Variants in BICD1 observed in about 807,000 individuals in gnomAD.
BICD1 encodes protein bicaudal D homolog 1.
In BICD1, 35 loss-of-function variants were observed where a neutral mutation model predicts 92.5. The observed-to-expected ratio is 0.38, with a 90% confidence interval of 0.29 to 0.50. BICD1 has a LOEUF of 0.50. Ranked by LOEUF, BICD1 falls within the 20% of genes least tolerant of loss-of-function variation. The pLI is 0.93. For synonymous variants in BICD1, 429 were observed against 465.1 expected (o/e 0.92, Z 1.00); for missense variants, 950 against 1,189.8 (o/e 0.80, Z 2.97).
chr12:32,133,890 T>A (rs1343745908), intron 1 of BICD1, among the ~76,000 whole-genome samples: 2 of 151,928 alleles, frequency 1.3e-5, no homozygotes, highest in Non-Finnish European at 2.9e-5. Context: ...CACGCCATTC[T>A]TCTGCCTCAG....
intron 2 of BICD1, among the ~76,000 whole-genome samples, chr12:32,249,302 G>A (rs755632668): frequency 6.6e-6 from 1 of 152,182 alleles, no homozygotes; most frequent in Non-Finnish European, 1.5e-5. Context: ...AGAAGCCCAA[G>A]GTGTACAGGG....
chr12:32,198,189 G>A (rs1435822970), intron 1 of BICD1, among the ~76,000 whole-genome samples: 3 of 151,348 alleles, frequency 2.0e-5, no homozygotes, highest in African/African-American at 7.3e-5. Flanking sequence ...TGGGCATCAA[G>A]AGCAAAACTT....
At chr12:32,267,299 AT>A (rs1047726535) in intron 2 of BICD1, among the ~76,000 whole-genome samples, 3 of 152,204 alleles carry the variant, frequency 2.0e-5, no homozygotes, top group Admixed American at 6.5e-5. Context: ...AAACTACATA[AT>A]TTACTTATTG....
chr12:32,305,477 A>G (rs1381493817), intron 3 of BICD1, among the ~76,000 whole-genome samples: 3 of 151,366 alleles, frequency 2.0e-5, no homozygotes, highest in African/African-American at 7.3e-5. Flanking sequence ...CATTTATGTT[A>G]TATCACTATA....
intron 4 of BICD1, among the ~76,000 whole-genome samples, chr12:32,320,676 A>C (rs1281327264): frequency 7.0e-6 from 1 of 143,172 alleles, no homozygotes; most frequent in East Asian, 2.7e-4. Context: ...AAAGGTAAAC[A>C]CTCAGTGAAA....
At position 32,379,879 on chromosome 12, in the gene BICD1, T is replaced by C. The variant is rs1199335600; in HGVS notation, c.*2252T>C. ...GTCTGTGTGTGATGACGGGGCAGTATTGCCAGTCGGCAATGTTGTATTTGC... is the reference window on the plus strand; with the variant it reads ...GTCTGTGTGTGATGACGGGGCAGTACTGCCAGTCGGCAATGTTGTATTTGC... On this transcript the variant is annotated 3_prime_UTR_variant, in exon 10 of 10. Coordinates refer to ENST00000652176, the MANE Select transcript of BICD1 (RefSeq NM_001714.4). 1 of 152,330 alleles carries C rather than the reference T, an allele frequency of 6.6e-6. No individual in the cohort carries two copies. Among genetic ancestry groups the C allele is most frequent in the East Asian group, 1.9e-4 (1 of 5,186 alleles). The allele number at this position is 152,330 out of a possible 1,614,324, so 9.4% of individuals were successfully genotyped here. A position where few individuals can be genotyped will look rare whatever the true frequency, so the allele number is the denominator to read the frequency against.
At chr12:32,284,529 G>A (rs528833285) in intron 2 of BICD1, among the ~76,000 whole-genome samples, 2 of 152,122 alleles carry the variant, frequency 1.3e-5, no homozygotes, top group Non-Finnish European at 2.9e-5. Flanking sequence ...TGTCCCCTCC[G>A]TATTCTTCAT....
chr12:32,155,305 A>G (rs1943406686), intron 1 of BICD1, among the ~76,000 whole-genome samples: 1 of 152,208 alleles, frequency 6.6e-6, no homozygotes, highest in African/African-American at 2.4e-5. Flanking sequence ...TGGAGTAACC[A>G]TCTGTGAATG....
chr12:32,201,124 A>G (rs1362530587), intron 1 of BICD1, among the ~76,000 whole-genome samples: 1 of 152,204 alleles, frequency 6.6e-6, no homozygotes, highest in Non-Finnish European at 1.5e-5. Context: ...CTTCTGAAAT[A>G]GTATGAAATA....
chr12:32,195,471 A>G (rs113416439), intron 1 of BICD1, among the ~76,000 whole-genome samples: 2,271 of 152,324 alleles, frequency 0.015, 47 homozygotes, highest in African/African-American at 0.052. Flanking sequence ...CTAGAAATAA[A>G]CCCAAACATA....
chr12:32,278,638 G>A (rs1332780950), intron 2 of BICD1, among the ~76,000 whole-genome samples: 1 of 152,168 alleles, frequency 6.6e-6, no homozygotes, highest in African/African-American at 2.4e-5. Context: ...CGGATCACGA[G>A]GTCAGGAGAT....
At chr12:32,373,090 A>C (rs1939801640) in intron 9 of BICD1, among the ~76,000 whole-genome samples, 1 of 152,174 alleles carries the variant, frequency 6.6e-6, no homozygotes, top group Non-Finnish European at 1.5e-5. Context: ...CTTGGGAAAA[A>C]AAAAGAAACT....
In BICD1 at chr12:32,160,051, CTGT is replaced by C. The variant is rs1247597854; in HGVS notation, c.213+52514_213+52516del. Among the ~76,000 whole-genome samples the C allele has an allele frequency of 2.6e-5, 3 of 115,302 alleles. No homozygotes were observed. The East Asian group carries it at 9.0e-4, about 35-fold the overall frequency. The allele number at this position is 115,302 out of a possible 152,430, so 75.6% of individuals were successfully genotyped here. ...CCCACAAAATAGGGATAATAATATC[CTGT>C]TGTTGTGCCCTTAGATGACGCATAT... is the stretch of plus-strand genomic sequence containing the variant. On this transcript the variant is annotated intron_variant, in intron 1 of 9. Transcript: ENST00000652176.
rs201494730 is a variant in BICD1 at position 32,216,239 on chromosome 12, C to T, written c.214-8C>T. The T allele has an allele frequency of 9.9e-6, 16 of 1,612,480 alleles. No homozygotes were observed. Among genetic ancestry groups the T allele is most frequent in the African/African-American group, 1.3e-5 (1 of 74,984 alleles). On this transcript the variant is annotated splice_polypyrimidine_tract_variant and splice_region_variant and intron_variant, in intron 1 of 9. Transcript: ENST00000652176. The stretch of plus-strand genomic sequence containing the variant: ...TGTGTACTCTTTTTCTTCCCATATA[C>T]TCTGCAGGCATTTGGGCAGTCCTTC...
chr12:32,289,864 A>G (rs1947680502), intron 2 of BICD1, among the ~76,000 whole-genome samples: 1 of 152,260 alleles, frequency 6.6e-6, no homozygotes, highest in Non-Finnish European at 1.5e-5. Flanking sequence ...GGAAATTCAT[A>G]GAAGCCTTTG....
At chr12:32,246,782 T>A (rs993144405) in intron 2 of BICD1, among the ~76,000 whole-genome samples, 1 of 152,174 alleles carries the variant, frequency 6.6e-6, no homozygotes, top group Non-Finnish European at 1.5e-5. Flanking sequence ...GCACAAGAGA[T>A]ACAGCAAAAA....
intron 1 of BICD1, among the ~76,000 whole-genome samples, chr12:32,131,202 C>G (rs936834297): frequency 6.6e-6 from 1 of 152,144 alleles, no homozygotes; most frequent in Non-Finnish European, 1.5e-5. Context: ...CCCCTTATCA[C>G]TTATCTCTAA....
intron 1 of BICD1, among the ~76,000 whole-genome samples, chr12:32,198,279 C>T (rs1199882318): frequency 1.4e-5 from 2 of 139,280 alleles, no homozygotes; most frequent in Non-Finnish European, 3.1e-5. Context: ...ACGGCACAGA[C>T]TTTTTAGTAA....
intron 8 of BICD1, among the ~76,000 whole-genome samples, chr12:32,359,586 T>G (rs1325864963): frequency 6.6e-6 from 1 of 152,128 alleles, no homozygotes; most frequent in Non-Finnish European, 1.5e-5. Flanking sequence ...ACCTTTATGA[T>G]CCAATCACCT....
Sources: gnomAD v4.1 joint callset for allele counts (sites outside exome capture counted in the v4.1 genomes callset) on GRCh38, gnomAD v4.1.1 for gene constraint, MANE v1.5 for transcripts, NCBI Gene and HGNC (gene_info 2026-07-23, HGNC 2026-07-21) for gene names.